Variants in MYO3B observed in about 807,000 individuals in gnomAD.
MYO3B encodes the protein myosin IIIB.
A neutral mutation model predicts 174.6 loss-of-function variants in MYO3B; 156 were observed. The ratio of observed to expected loss-of-function variants is 0.89; its 90% CI spans 0.78 to 1.02. The LOEUF is 1.02. Ranked by LOEUF, MYO3B falls within the 50% of genes least tolerant of loss-of-function variation. The probability of loss-of-function intolerance (pLI) is 0.00; values close to 1 mark genes in which losing one functional copy is unlikely to be tolerated. For missense variants in MYO3B, 1,632 were observed against 1,639.4 expected (o/e 1.00, Z 0.08); for synonymous variants, 563 against 569.1 (o/e 0.99, Z 0.15).
At position 170,200,266 on chromosome 2, in the gene MYO3B, G is replaced by T; in HGVS notation, c.303G>T (p.Gln101His). ...AAGCGGATCACTGTGTAGGGGGACAGCTGTGGCTGGTCCTGGAGGTAAGAG... is the reference window on the plus strand; with the variant it reads ...AAGCGGATCACTGTGTAGGGGGACATCTGTGGCTGGTCCTGGAGGTAAGAG... ...FYKADHCVGG[Q>H]LWLVLELCNG... Residue 101 changes from glutamine to histidine, a missense_variant, in exon 3 of 35, where the codon CAG becomes CAT. Physicochemically the swap from Gln to His is conservative, Grantham distance 24. Coordinates refer to ENST00000408978, the MANE Select transcript of MYO3B (RefSeq NM_138995.5). The T allele has an allele frequency of 6.2e-7, 1 of 1,612,106 alleles. No individual in the cohort carries two copies.
chr2:170,416,901 C>G (rs2094584117), intron 22 of MYO3B, among the ~76,000 whole-genome samples: 1 of 149,186 alleles, frequency 6.7e-6, no homozygotes, highest in Non-Finnish European at 1.5e-5. Context: ...TCTCGGCTCA[C>G]TGCAACCTCT....
intron 7 of MYO3B, among the ~76,000 whole-genome samples, chr2:170,245,744 C>G (rs2093182429): frequency 6.6e-6 from 1 of 152,176 alleles, no homozygotes; most frequent in South Asian, 2.1e-4. Flanking sequence ...AGAATAGCTA[C>G]TAACTGCAGG....
rs549354988 is a variant in MYO3B at position 170,554,507 on chromosome 2, G to A, written c.3733+10519G>A. On this transcript the variant is annotated intron_variant, in intron 32 of 34. Coordinates refer to ENST00000408978, the MANE Select transcript of MYO3B (RefSeq NM_138995.5). Reference sequence around the variant, plus strand: ...GATGTGAGAGTGGCAGATACAAGCCGCAGAGGTCACATGCCAGGCCACCAT... The same window carrying A: ...GATGTGAGAGTGGCAGATACAAGCCACAGAGGTCACATGCCAGGCCACCAT... Among the ~76,000 whole-genome samples the A allele has an allele frequency of 1.4e-4, 21 of 152,300 alleles. No individual in the cohort carries two copies. The East Asian group carries it at 1.5e-3, about 11-fold the overall frequency.
chr2:170,228,772 C>A (rs907287722), intron 6 of MYO3B, among the ~76,000 whole-genome samples: 1 of 151,906 alleles, frequency 6.6e-6, no homozygotes, highest in Non-Finnish European at 1.5e-5. Flanking sequence ...AAAAAGAGAC[C>A]CATAGAACAT....
At chr2:170,329,172 C>A (rs1467762307) in intron 7 of MYO3B, among the ~76,000 whole-genome samples, 1 of 151,294 alleles carries the variant, frequency 6.6e-6, no homozygotes, top group African/African-American at 2.4e-5. Context: ...AATACTACTA[C>A]TACTAATAAT....
intron 32 of MYO3B, among the ~76,000 whole-genome samples, chr2:170,651,131 C>T (rs1185359122): frequency 1.3e-5 from 2 of 152,134 alleles, no homozygotes; most frequent in Non-Finnish European, 2.9e-5. Context: ...TTGTTCAAAG[C>T]ATTTCAGTAA....
chr2:170,604,064 T>C (rs944513304), intron 32 of MYO3B, among the ~76,000 whole-genome samples: 5 of 152,220 alleles, frequency 3.3e-5, no homozygotes, highest in African/African-American at 9.6e-5. Context: ...AGGTGTCTGA[T>C]AGACTATACC....
chr2:170,353,158 A>G (rs925166875), intron 8 of MYO3B, among the ~76,000 whole-genome samples: 3 of 152,252 alleles, frequency 2.0e-5, no homozygotes, highest in Non-Finnish European at 2.9e-5. Flanking sequence ...AATCACCAAG[A>G]TGTCCTTCAG....
intron 30 of MYO3B, among the ~76,000 whole-genome samples, chr2:170,538,296 C>T (rs766578401): frequency 6.6e-5 from 10 of 152,202 alleles, no homozygotes; most frequent in Non-Finnish European, 1.3e-4. Context: ...CCAGATCATA[C>T]CATTCATTAT....
intron 28 of MYO3B, among the ~76,000 whole-genome samples, chr2:170,511,734 T>C (rs1189920103): frequency 6.6e-6 from 1 of 152,228 alleles, no homozygotes; most frequent in Non-Finnish European, 1.5e-5. Flanking sequence ...CTAGATTCTT[T>C]TGGGGTACCC....
At chr2:170,416,567 C>G (rs981693121) in intron 22 of MYO3B, among the ~76,000 whole-genome samples, 3 of 149,332 alleles carry the variant, frequency 2.0e-5, no homozygotes, top group Middle Eastern at 3.5e-3. Flanking sequence ...TCATGTCATT[C>G]CTCTGTTTAA....
intron 32 of MYO3B, among the ~76,000 whole-genome samples, chr2:170,591,633 A>G (rs888010): frequency 0.33 from 49,734 of 151,866 alleles, 9,917 homozygotes; most frequent in African/African-American, 0.55. Context: ...CAGCCCTGCA[A>G]TCATAGAACT....
chr2:170,469,938 AC>A (rs1684872682), intron 25 of MYO3B, among the ~76,000 whole-genome samples: 1 of 151,534 alleles, frequency 6.6e-6, no homozygotes, highest in African/African-American at 2.4e-5. Flanking sequence ...CCTCGTCTCT[AC>A]TAAAAATACA....
intron 6 of MYO3B, among the ~76,000 whole-genome samples, chr2:170,223,484 T>C (rs1373765674): frequency 6.6e-6 from 1 of 152,224 alleles, no homozygotes; most frequent in Non-Finnish European, 1.5e-5. Flanking sequence ...ATCTAAGGCT[T>C]TGTCAGGCCA....
chr2:170,183,209 A>G (rs1401677540), intron 1 of MYO3B, among the ~76,000 whole-genome samples: 2 of 152,130 alleles, frequency 1.3e-5, no homozygotes, highest in Non-Finnish European at 2.9e-5. Context: ...GTGAGCTGAG[A>G]TCACACCATT....
intron 32 of MYO3B, among the ~76,000 whole-genome samples, chr2:170,575,950 T>C (rs1274944674): frequency 2.0e-5 from 3 of 152,158 alleles, no homozygotes; most frequent in Non-Finnish European, 4.4e-5. Flanking sequence ...GAACAGTCTA[T>C]TCCCTTATTT....
At position 170,466,595 on chromosome 2, in the gene MYO3B, G is replaced by A. The variant is rs1331911150; in HGVS notation, c.2898G>A (p.Leu966=). 6.2e-7 allele frequency: 1 copy of A among 1,614,230 alleles called. No individual in the cohort carries two copies. The change falls in exon 25 of 35, where the codon CTG becomes CTA. Residue 966 remains leucine, a synonymous_variant. Coordinates refer to ENST00000408978, the MANE Select transcript of MYO3B (RefSeq NM_138995.5). Reference sequence around the variant, plus strand: ...AACCCAATGATGACCGAGAGGCCCTGCAGTTCTCTCGAGAGAGGGTGCTGG... The same window carrying A: ...AACCCAATGATGACCGAGAGGCCCTACAGTTCTCTCGAGAGAGGGTGCTGG... ...CIKPNDDREA[L]QFSRERVLAQ... is the part of the protein sequence containing the mutation.
At chr2:170,226,840 C>G (rs2092957566) in intron 6 of MYO3B, among the ~76,000 whole-genome samples, 1 of 152,182 alleles carries the variant, frequency 6.6e-6, no homozygotes, top group South Asian at 2.1e-4. Context: ...TTAAGGCTGT[C>G]CTCACTCCTC....
rs527608699 is a variant in MYO3B at position 170,543,053 on chromosome 2, GC to G, written c.3636+88del. The G allele has an allele frequency of 1.0e-4, 115 of 1,131,046 alleles. No individual in the cohort carries two copies. The African/African-American group carries it at 1.3e-3, about 13-fold the overall frequency. The allele number at this position is 1,131,046 out of a possible 1,614,324, so 70.1% of individuals were successfully genotyped here. A position where few individuals can be genotyped will look rare whatever the true frequency, so the allele number is the denominator to read the frequency against. ...ATAGGCATGAAGCTTGTCTGCGGCT[GC>G]GTGGTTGGACCATCCAAACTTGAAA... On this transcript the variant is annotated intron_variant, in intron 31 of 34. Coordinates refer to ENST00000408978, the MANE Select transcript of MYO3B (RefSeq NM_138995.5).
Sources: allele counts gnomAD v4.1 joint callset (sites outside exome capture counted in the v4.1 genomes callset), GRCh38; gene constraint gnomAD v4.1.1; transcripts MANE v1.5; gene names NCBI Gene and HGNC (gene_info 2026-07-23, HGNC 2026-07-21).